The following KCNC4 variants were observed in gnomAD, a reference collection of about 807,000 sequenced individuals.
The protein encoded by KCNC4 is voltage-gated potassium channel KCNC4.
KCNC4 carries 23 observed loss-of-function variants against 42.8 expected under a neutral mutation model. The ratio of observed to expected loss-of-function variants is 0.54; its 90% confidence interval spans 0.39 to 0.76. KCNC4 has a LOEUF of 0.76. Ranked by LOEUF, KCNC4 falls within the 30% of genes least tolerant of loss-of-function variation. The pLI, the probability that KCNC4 is intolerant of heterozygous loss-of-function variation, is 0.00. For synonymous variants in KCNC4, 422 were observed against 393.5 expected, an observed-to-expected ratio of 1.07 and a Z score of -0.86; for missense variants, 751 against 898.2, an observed-to-expected ratio of 0.84 and a Z score of 2.10.
rs1339016234 is a variant in KCNC4, at chr1:110,232,953, A to C, written c.1862A>C (p.Glu621Ala). The change falls in exon 4 of 4, where the codon GAA becomes GCA. Residue 621 changes from glutamate (E) to alanine (A), a missense_variant. Glu to Ala is a moderately radical substitution (Grantham distance 107). Transcript: ENST00000438661. ...CTCTCGTCCAACTATGCCCAGGCTG[A>C]AGTCCTCACCCTCTCTTAAAGCGGC... is the stretch of plus-strand genomic sequence containing the variant. Reference protein sequence around the residue: ...DALSSNYAQAEVLTLS With the variant: ...DALSSNYAQAAVLTLS 8 of 1,611,684 alleles carry C rather than the reference A, an allele frequency of 5.0e-6. No homozygotes were observed. The highest frequency in any genetic ancestry group is 6.8e-6 in the Non-Finnish European group (8 of 1,179,020).
chr1:110,261,971 C>T (rs1306402740), intron 1 of KCNC4, among the ~76,000 whole-genome samples: 1 of 152,162 alleles, frequency 6.6e-6, no homozygotes, highest in Non-Finnish European at 1.5e-5. Flanking sequence ...AAGGAAAAAA[C>T]ATTTGAAAAC....
chr1:110,226,139 ACTGGGGACTATGC>A lies in KCNC4; in HGVS notation c.1784_1796del (p.Gly595AlafsTer34). 1 of 1,613,986 alleles carries A rather than the reference ACTGGGGACTATGC, an allele frequency of 6.2e-7. No homozygotes were observed. Among genetic ancestry groups the A allele is most frequent in the South Asian group, 1.1e-5 (1 of 91,068 alleles). On this transcript the variant is annotated frameshift_variant, in exon 3 of 4. Transcript: ENST00000438661. LOFTEE classifies it high-confidence loss of function. ...GGCAGCTGCCTGCTTCCTGCTCAGC[ACTGGGGACTATGC>A]CTGCGCCGATGGTAGTGTCCGGAAA...
intron 1 of KCNC4, among the ~76,000 whole-genome samples, chr1:110,215,770 G>A (rs1378786517): frequency 6.6e-6 from 1 of 152,182 alleles, no homozygotes; most frequent in African/African-American, 2.4e-5. Context: ...TAACATCTGT[G>A]TATCAGTATA....
At chr1:110,229,505 T>C (rs1658588647) in intron 3 of KCNC4, among the ~76,000 whole-genome samples, 1 of 152,184 alleles carries the variant, frequency 6.6e-6, no homozygotes, top group Non-Finnish European at 1.5e-5. Context: ...CTTCCTCTGC[T>C]TCTGCGACAG....
exon 4 of KCNC4, chr1:110,247,555 C>CTTTTTTTTT (rs772775867): frequency 1.9e-5 from 1 of 52,362 alleles, no homozygotes; most frequent in African/African-American, 7.3e-5. Context: ...TTTCTTTTTT[C>CTTTTTTTTT]TTTTTTTTTT....
At chr1:110,218,106 C>T (rs959857824) in intron 1 of KCNC4, among the ~76,000 whole-genome samples, 2 of 152,126 alleles carry the variant, frequency 1.3e-5, no homozygotes, top group African/African-American at 2.4e-5. Flanking sequence ...TCTCCCTGGC[C>T]CTTCTTCCTG....
chr1:110,227,593 C>T (rs902842472), intron 3 of KCNC4, among the ~76,000 whole-genome samples: 1 of 152,212 alleles, frequency 6.6e-6, no homozygotes, highest in Non-Finnish European at 1.5e-5. Context: ...TTGGCCTTCT[C>T]TCCCGCCGAC....
At position 110,223,562 on chromosome 1, in the gene KCNC4, G is replaced by A; in HGVS notation, c.1277G>A (p.Gly426Asp). The A allele has an allele frequency of 6.2e-7, 1 of 1,614,032 alleles. No individual in the cohort carries two copies. The highest frequency in any genetic ancestry group is 8.5e-7 in the Non-Finnish European group (1 of 1,180,048). Residue 426 changes from glycine to aspartate, a missense_variant, in exon 2 of 4, where the codon GGC (glycine) becomes GAC (aspartate). By Grantham distance (94) the Gly-to-Asp change is moderately conservative. Transcript: ENST00000438661. This position sits in a 1 kb window ranked among gnomAD's most constrained non-coding sequence, Gnocchi z 7.5. Reference sequence around the variant, plus strand: ...ACCGACTTCAAGAACATCCCCATTGGCTTCTGGTGGGCTGTGGTCACCATG... The same window carrying A: ...ACCGACTTCAAGAACATCCCCATTGACTTCTGGTGGGCTGTGGTCACCATG... Reference protein sequence around the residue: ...DHTDFKNIPIGFWWAVVTMTT... With the variant: ...DHTDFKNIPIDFWWAVVTMTT...
At chr1:110,212,613 T>G (rs1657549535) in intron 1 of KCNC4, among the ~76,000 whole-genome samples, 1 of 152,106 alleles carries the variant, frequency 6.6e-6, no homozygotes, top group African/African-American at 2.4e-5. Context: ...AGGGTGGGTT[T>G]TGTTAGATGC....
intron 3 of KCNC4, among the ~76,000 whole-genome samples, chr1:110,227,424 A>G (rs1341198968): frequency 6.6e-6 from 1 of 152,204 alleles, no homozygotes; most frequent in Admixed American, 6.5e-5. Context: ...TTTGTTGGGC[A>G]TGTGTTCTGT....
intron 1 of KCNC4, 100 bp from the exon 2 acceptor site, chr1:110,222,864 A>G: frequency 1.2e-6 from 1 of 808,792 alleles, no homozygotes; most frequent in Admixed American, 2.3e-5. Context: ...TCACTCTGGA[A>G]TGCCCTTCCT....
At chr1:110,240,401 GACTCCCCTCA>G (rs1659005140) in exon 4 of KCNC4, 1 of 152,452 alleles carries the variant, frequency 6.6e-6, no homozygotes, top group Non-Finnish European at 1.5e-5. Flanking sequence ...GATCCCTAGA[GACTCCCCTCA>G]GCTCCCCTCC....
chr1:110,251,771 G>A (rs1659253890), downstream of KCNC4, among the ~76,000 whole-genome samples: 1 of 152,198 alleles, frequency 6.6e-6, no homozygotes, highest in Admixed American at 6.5e-5. Context: ...GAGGAGCAGG[G>A]CAGAAACAGC....
chr1:110,253,405 G>A (rs1481524524), downstream of KCNC4, among the ~76,000 whole-genome samples: 2 of 152,350 alleles, frequency 1.3e-5, no homozygotes, highest in Admixed American at 6.5e-5. Flanking sequence ...TCACAGTGGA[G>A]GCCACATTCA....
chr1:110,268,278 T>C (rs1659577411), intron 1 of KCNC4, among the ~76,000 whole-genome samples: 1 of 152,208 alleles, frequency 6.6e-6, no homozygotes, highest in African/African-American at 2.4e-5. Flanking sequence ...ATTGTTTCAA[T>C]TCTCCAGCCC....
At chr1:110,249,518 C>T (rs1399130450), downstream of KCNC4, among the ~76,000 whole-genome samples, 1 of 152,174 alleles carries the variant, frequency 6.6e-6, no homozygotes, top group Non-Finnish European at 1.5e-5. Context: ...AGCCAGCTTC[C>T]TTCCAATGAG....
At position 110,223,840 on chromosome 1, in the gene KCNC4, A is replaced by G; in HGVS notation, c.1555A>G (p.Thr519Ala). 1.2e-6 allele frequency: 2 copies of G among 1,610,152 alleles called. No individual in the cohort carries two copies. The highest frequency in any genetic ancestry group is 1.7e-6 in the Non-Finnish European group (2 of 1,177,058). ...TGAGGAGACTTCCCCCCGGGACAGC[A>G]CCTGCAGTGATACCAGCCCCCCTGC... The part of the protein sequence containing the change: ...KSEETSPRDS[T>A]CSDTSPPARE... Residue 519 changes from threonine to alanine, a missense_variant, in exon 2 of 4, where the codon ACC (threonine) becomes GCC (alanine). Physicochemically the swap from Thr to Ala is moderately conservative, Grantham distance 58. Around this residue, in one of 4 missense-constraint regions of KCNC4, gnomAD observed 202 missense variants for 181.5 expected, o/e 1.11. Transcript: ENST00000438661. The surrounding 1 kb of genome is among the most constrained non-coding windows in gnomAD (Gnocchi z 7.5).
intron 1 of KCNC4, among the ~76,000 whole-genome samples, chr1:110,269,312 T>C (rs931471118): frequency 1.3e-5 from 2 of 152,208 alleles, no homozygotes; most frequent in Non-Finnish European, 2.9e-5. Flanking sequence ...TTCTCTCATA[T>C]ACCTTTAAAG....
chr1:110,242,040 T>G (rs1052293832), exon 4 of KCNC4: 4 of 152,152 alleles, frequency 2.6e-5, no homozygotes, highest in African/African-American at 9.7e-5. Context: ...GGTTGTAAGA[T>G]TTGTCCAGAA....
Sources: gnomAD v4.1 joint callset for allele counts (sites outside exome capture counted in the v4.1 genomes callset) on GRCh38, gnomAD v4.1.1 for gene constraint, gnomAD v4.1.1 regional missense constraint, Gnocchi (gnomAD v3.1) non-coding constraint, MANE v1.5 for transcripts, NCBI Gene and HGNC (gene_info 2026-07-23, HGNC 2026-07-21) for gene names.